Variants in NAALADL2 observed in about 807,000 individuals in gnomAD.
NAALADL2 encodes N-acetylated alpha-linked acidic dipeptidase like 2.
In NAALADL2, 76 loss-of-function variants were observed where a neutral mutation model predicts 87.2. The ratio of observed to expected loss-of-function variants is 0.87; its 90% confidence interval spans 0.72 to 1.05. The LOEUF is 1.05. Among genes scored for constraint, NAALADL2 ranks in the 50% least tolerant of loss-of-function variants. The pLI, the probability that NAALADL2 is intolerant of heterozygous loss-of-function variation, is 0.00. For missense variants in NAALADL2, 1,089 were observed against 945.8 expected (o/e 1.15, Z -1.99); for synonymous variants, 354 against 331.0 (o/e 1.07, Z -0.75).
chr3:174,885,370 C>A (rs958956667), intron 1 of NAALADL2, among the ~76,000 whole-genome samples: 1 of 152,114 alleles, frequency 6.6e-6, no homozygotes, highest in Non-Finnish European at 1.5e-5. Flanking sequence ...GGAGAAGAAT[C>A]GCTGAGTTCA....
chr3:175,482,923 T>C (rs543641810), intron 9 of NAALADL2, among the ~76,000 whole-genome samples: 1 of 152,018 alleles, frequency 6.6e-6, no homozygotes, highest in East Asian at 1.9e-4. Context: ...TTTGTAAGTG[T>C]CCTATCTGCT....
chr3:175,210,751 T>TA lies in NAALADL2; in HGVS notation c.546-23172dup, dbSNP rs1462381815. ...ACTCTACAAAATTGAGTAATAAAGGTAAAAAAAAGCATGGTTCCTAATCCA... is the reference window on the plus strand; with the variant it reads ...ACTCTACAAAATTGAGTAATAAAGGTAAAAAAAAAGCATGGTTCCTAATCCA... On this transcript the variant is annotated intron_variant, in intron 2 of 13. Coordinates refer to ENST00000454872, the MANE Select transcript of NAALADL2 (RefSeq NM_207015.3). Among the ~76,000 whole-genome samples the TA allele has an allele frequency of 4.6e-5, 7 of 151,298 alleles. No homozygotes were observed. In the South Asian group the frequency reaches 6.2e-4, roughly 13 times the overall value.
At chr3:175,355,020 ATATGTG>A (rs1248577771) in intron 5 of NAALADL2, among the ~76,000 whole-genome samples, 13 of 100,634 alleles carry the variant, frequency 1.3e-4, no homozygotes, top group East Asian at 5.8e-4. Context: ...TGCTATATAT[ATATGTG>A]TGTGTGTGTG....
chr3:175,487,638 AT>A (rs1220059931), intron 9 of NAALADL2: 4 of 403,114 alleles, frequency 9.9e-6, no homozygotes, highest in Admixed American at 3.2e-5. Flanking sequence ...GATATTAAAT[AT>A]TTTGCCCCTT....
chr3:175,547,268 T>C (rs1220244019), intron 9 of NAALADL2, among the ~76,000 whole-genome samples: 1 of 152,058 alleles, frequency 6.6e-6, no homozygotes, highest in East Asian at 1.9e-4. Flanking sequence ...ACTGTACACC[T>C]ACAACTATCT....
At chr3:174,560,321 G>T (rs1472602312) in intron 2 of NAALADL2, among the ~76,000 whole-genome samples, 1 of 152,182 alleles carries the variant, frequency 6.6e-6, no homozygotes, top group East Asian at 1.9e-4. Flanking sequence ...AGGTACAAAA[G>T]ATGACAGGGC....
At chr3:175,599,414 T>C (rs1560826983) in intron 10 of NAALADL2, among the ~76,000 whole-genome samples, 1 of 152,134 alleles carries the variant, frequency 6.6e-6, no homozygotes, top group African/African-American at 2.4e-5. Flanking sequence ...AATTCCTTTA[T>C]TTCTTTGAAA....
At chr3:175,723,858 T>G (rs1742566253) in intron 11 of NAALADL2, among the ~76,000 whole-genome samples, 1 of 152,052 alleles carries the variant, frequency 6.6e-6, no homozygotes, top group Non-Finnish European at 1.5e-5. Flanking sequence ...TGCCCTTAAT[T>G]CTCTCCACCT....
In NAALADL2 at chr3:175,442,299, G is replaced by GTATA. The variant is rs3067105; in HGVS notation, c.1091-4919_1091-4916dup. 4.2e-3 allele frequency among the ~76,000 whole-genome samples: 626 copies of GTATA among 150,158 alleles called. 15 individuals are homozygous for GTATA. In the East Asian group the frequency reaches 0.069, roughly 17 times the overall value. ...TATCCCATCTTGTCACACATATAAA[G>GTATA]TATATATATATATACTGGTTACTAA... On this transcript the variant is annotated intron_variant, in intron 5 of 13. Transcript: ENST00000454872.
chr3:175,492,472 G>A (rs994659969), intron 9 of NAALADL2, among the ~76,000 whole-genome samples: 2 of 152,144 alleles, frequency 1.3e-5, no homozygotes, highest in African/African-American at 4.8e-5. Context: ...GATGATAAGT[G>A]CCATTCAAAG....
chr3:174,792,033 ACTCTAT>A (rs1396387853), intron 3 of NAALADL2, among the ~76,000 whole-genome samples: 2 of 152,040 alleles, frequency 1.3e-5, no homozygotes, highest in Non-Finnish European at 2.9e-5. Flanking sequence ...ACATGGTGAA[ACTCTAT>A]CTCTACTAAA....
chr3:175,569,251 T>C (rs1717668334), intron 9 of NAALADL2, among the ~76,000 whole-genome samples: 1 of 152,198 alleles, frequency 6.6e-6, no homozygotes, highest in Non-Finnish European at 1.5e-5. Flanking sequence ...AAACTAAAAA[T>C]GTTATAACAA....
chr3:174,504,152 G>A (rs1578041397), intron 1 of NAALADL2, among the ~76,000 whole-genome samples: 2 of 152,270 alleles, frequency 1.3e-5, no homozygotes, highest in East Asian at 3.9e-4. Flanking sequence ...TATTTTGCCA[G>A]TGGTTGGACA....
chr3:175,531,830 A>G (rs1173478272), intron 9 of NAALADL2, among the ~76,000 whole-genome samples: 1 of 152,174 alleles, frequency 6.6e-6, no homozygotes, highest in Non-Finnish European at 1.5e-5. Flanking sequence ...ATTCTCCAAG[A>G]TCCATCTGTC....
upstream of NAALADL2, among the ~76,000 whole-genome samples, chr3:174,858,757 A>C (rs1726131281): frequency 6.6e-6 from 1 of 151,980 alleles, no homozygotes; most frequent in Non-Finnish European, 1.5e-5. Context: ...TAGCACAGCC[A>C]TACATTAGTG....
At chr3:174,542,908 T>A (rs185540023) in intron 1 of NAALADL2, among the ~76,000 whole-genome samples, 1 of 152,272 alleles carries the variant, frequency 6.6e-6, no homozygotes, top group African/African-American at 2.4e-5. Flanking sequence ...TAAATATGCG[T>A]GCTGTGGAAT....
At chr3:174,569,116 T>C (rs942666535) in intron 2 of NAALADL2, among the ~76,000 whole-genome samples, 2 of 151,726 alleles carry the variant, frequency 1.3e-5, no homozygotes, top group Non-Finnish European at 2.9e-5. Flanking sequence ...TAGCTTTCAT[T>C]AATGTTATGA....
intron 11 of NAALADL2, among the ~76,000 whole-genome samples, chr3:175,646,012 T>TATAAAATA (rs1184369723): frequency 1.4e-4 from 22 of 152,142 alleles, no homozygotes; most frequent in African/African-American, 5.3e-4. Flanking sequence ...GATAATCCAG[T>TATAAAATA]ATAAAATAAG....
chr3:175,531,557 C>G (rs4416392), intron 9 of NAALADL2, among the ~76,000 whole-genome samples: 40,737 of 152,150 alleles, frequency 0.27, 8,404 homozygotes, highest in African/African-American at 0.58. Context: ...AGGTCTCTCT[C>G]AATAAGATTA....
Sources: gnomAD v4.1 joint callset for allele counts (sites outside exome capture counted in the v4.1 genomes callset) on GRCh38, gnomAD v4.1.1 for gene constraint, MANE v1.5 for transcripts, NCBI Gene and HGNC (gene_info 2026-07-23, HGNC 2026-07-21) for gene names.